RRP15: variants seen among roughly 807,000 people sequenced by gnomAD.
RRP15 encodes RRP15-like protein.
Under a neutral mutation model 27.1 loss-of-function variants are expected in RRP15, and 18 were observed. The ratio of observed to expected loss-of-function variants is 0.66; its 90% confidence interval spans 0.46 to 0.98. RRP15 has a LOEUF of 0.98. RRP15 is among the 50% of genes least tolerant of loss of function. The pLI is 0.00. For synonymous variants in RRP15, 107 were observed against 109.4 expected, an observed-to-expected ratio of 0.98 and a Z score of 0.14; for missense variants, 359 against 337.8, an observed-to-expected ratio of 1.06 and a Z score of -0.49.
chr1:218,297,207 A>T (rs1010520175), intron 1 of RRP15, among the ~76,000 whole-genome samples: 1 of 152,172 alleles, frequency 6.6e-6, no homozygotes, highest in African/African-American at 2.4e-5. Flanking sequence ...CCCCAAGTCT[A>T]ATTCAGTAAT....
intron 4 of RRP15, among the ~76,000 whole-genome samples, chr1:218,311,332 T>G (rs1209100032): frequency 6.6e-6 from 1 of 152,186 alleles, no homozygotes; most frequent in Admixed American, 6.5e-5. Context: ...ACATAGTATA[T>G]TAAAATTTCT....
chr1:218,297,011 CCTA>C (rs1171380882), intron 1 of RRP15, among the ~76,000 whole-genome samples: 1 of 152,112 alleles, frequency 6.6e-6, no homozygotes, highest in African/African-American at 2.4e-5. Context: ...TTATTTAGTG[CCTA>C]CTATTGTGCC....
At chr1:218,322,351 A>G (rs922045103) in intron 4 of RRP15, among the ~76,000 whole-genome samples, 1 of 152,230 alleles carries the variant, frequency 6.6e-6, no homozygotes, top group Non-Finnish European at 1.5e-5. Flanking sequence ...ATGAGTTCAT[A>G]GTATACTTAT....
chr1:218,295,173 CAG>C (rs779307089), intron 1 of RRP15, among the ~76,000 whole-genome samples: 5 of 152,088 alleles, frequency 3.3e-5, no homozygotes, highest in Non-Finnish European at 7.4e-5. Context: ...GAAAAAATAA[CAG>C]TGGTTGATGA....
At chr1:218,308,747 T>A (rs1655942414) in intron 4 of RRP15, among the ~76,000 whole-genome samples, 1 of 152,214 alleles carries the variant, frequency 6.6e-6, no homozygotes, top group Admixed American at 6.5e-5. Context: ...ATAATAATAG[T>A]TCTCACTAGT....
At chr1:218,295,022 T>C (rs992118177) in intron 1 of RRP15, among the ~76,000 whole-genome samples, 25 of 152,328 alleles carry the variant, frequency 1.6e-4, no homozygotes, top group Admixed American at 1.2e-3. Flanking sequence ...GAGTTATCCC[T>C]GAACTACTCA....
intron 1 of RRP15, among the ~76,000 whole-genome samples, chr1:218,293,522 C>G (rs1006851450): frequency 6.6e-6 from 1 of 152,158 alleles, no homozygotes; most frequent in Non-Finnish European, 1.5e-5. Context: ...TATCAGGAAA[C>G]TGAATCAGGC....
chr1:218,315,477 G>A (rs973289729), intron 4 of RRP15, among the ~76,000 whole-genome samples: 2 of 152,098 alleles, frequency 1.3e-5, no homozygotes, highest in Non-Finnish European at 2.9e-5. Context: ...GCCCAGGTGG[G>A]AGTGCAGTGT....
At chr1:218,311,149 C>T (rs1405127180) in intron 4 of RRP15, among the ~76,000 whole-genome samples, 1 of 152,156 alleles carries the variant, frequency 6.6e-6, no homozygotes, top group African/African-American at 2.4e-5. Flanking sequence ...AATAAAATAA[C>T]CACTGCCCTT....
At chr1:218,289,106 AC>A (rs1655594325) in intron 1 of RRP15, among the ~76,000 whole-genome samples, 1 of 152,248 alleles carries the variant, frequency 6.6e-6, no homozygotes, top group Non-Finnish European at 1.5e-5. Flanking sequence ...GGCACATGGT[AC>A]CCACTCATAA....
chr1:218,317,995 A>G (rs1465984689), intron 4 of RRP15, among the ~76,000 whole-genome samples: 1 of 152,038 alleles, frequency 6.6e-6, no homozygotes, highest in African/African-American at 2.4e-5. Flanking sequence ...TCAGCCTCCC[A>G]AAGTGCTGGG....
At position 218,305,734 on chromosome 1, in the gene RRP15, A is replaced by G. The variant is rs58745581; in HGVS notation, c.503+609A>G. On this transcript the variant is annotated intron_variant, in intron 3 of 4. Coordinates refer to ENST00000366932, the MANE Select transcript of RRP15 (RefSeq NM_016052.4). ...GAGATAACATTTGGGCTGCTGCTAA[A>G]GAACCTAGCAGTTATATTTAGCAGA... 6.8e-3 allele frequency among the ~76,000 whole-genome samples: 1,031 copies of G among 152,290 alleles called. 6 individuals carry two copies. The highest frequency in any genetic ancestry group is 0.023 in the African/African-American group (952 of 41,566).
intron 4 of RRP15, among the ~76,000 whole-genome samples, chr1:218,328,340 A>C (rs146001835): frequency 6.6e-6 from 1 of 152,132 alleles, no homozygotes; most frequent in African/African-American, 2.4e-5. Flanking sequence ...TTGGTCTACT[A>C]TTGTTCCTTT....
chr1:218,299,585 A>G (rs1655778726), intron 1 of RRP15, among the ~76,000 whole-genome samples: 1 of 152,176 alleles, frequency 6.6e-6, no homozygotes, highest in Non-Finnish European at 1.5e-5. Context: ...ACAAAACACT[A>G]GATGTCAGTG....
intron 3 of RRP15, 95 bp downstream of exon 3, chr1:218,305,220 C>T (rs1655880513): frequency 3.4e-6 from 3 of 891,908 alleles, no homozygotes; most frequent in African/African-American, 1.7e-5. Flanking sequence ...GCTCAGCCTT[C>T]TCAGAGCCAA....
rs541306682 is a variant in RRP15, at chr1:218,315,491, G to A, written c.705+7859G>A. Among the ~76,000 whole-genome samples, 22 of 152,192 alleles carry A rather than the reference G, an allele frequency of 1.4e-4. No homozygotes were observed. In the Middle Eastern group the frequency reaches 0.01, roughly 71 times the overall value. The stretch of plus-strand genomic sequence containing the variant: ...CGCCCAGGTGGGAGTGCAGTGTCAC[G>A]ATCTTGGCTTACTGCAACCTCTGCC... On this transcript the variant is annotated intron_variant, in intron 4 of 4. Coordinates refer to ENST00000366932, the MANE Select transcript of RRP15 (RefSeq NM_016052.4).
intron 1 of RRP15, among the ~76,000 whole-genome samples, chr1:218,290,142 G>C (rs973771963): frequency 7.3e-5 from 11 of 151,696 alleles, no homozygotes; most frequent in African/African-American, 2.4e-4. Context: ...ATCTGTAATA[G>C]ACAGGTGTTT....
intron 1 of RRP15, among the ~76,000 whole-genome samples, chr1:218,291,528 CTT>C (rs776529360): frequency 2.4e-3 from 257 of 104,898 alleles, no homozygotes; most frequent in African/African-American, 0.011. Flanking sequence ...TTGAATTTTC[CTT>C]TTTTTTTTTT....
Position 218,302,678 on chromosome 1 carries a change from A to T in RRP15, c.405+119A>T, listed in dbSNP as rs1032490274. ...CGTTCCAGTTTTTAACTTGTTTTTT[A>T]TGTGAAGGTGGATAACTAAGGTTAT... On this transcript the variant is annotated intron_variant, in intron 2 of 4. Coordinates refer to ENST00000366932, the MANE Select transcript of RRP15 (RefSeq NM_016052.4). 4.8e-5 allele frequency: 69 copies of T among 1,445,796 alleles called. No homozygotes were observed. The African/African-American group carries it at 9.4e-4, about 20-fold the overall frequency. The allele number at this position is 1,445,796 out of a possible 1,614,324, so 89.6% of individuals were successfully genotyped here. A position where few individuals can be genotyped will look rare whatever the true frequency, so the allele number is the denominator to read the frequency against.
Sources: gnomAD v4.1 joint callset for allele counts (sites outside exome capture counted in the v4.1 genomes callset) on GRCh38, gnomAD v4.1.1 for gene constraint, MANE v1.5 for transcripts, NCBI Gene and HGNC (gene_info 2026-07-23, HGNC 2026-07-21) for gene names.